Variants in CCDC63 observed in about 807,000 individuals in gnomAD.
CCDC63 encodes coiled-coil domain-containing protein 63.
CCDC63 carries 54 observed loss-of-function variants against 63.6 expected under a neutral mutation model. That is an observed-to-expected ratio of 0.85 (90% CI 0.68 to 1.07). The LOEUF is 1.07. Ranked by LOEUF, CCDC63 falls within the 50% of genes least tolerant of loss-of-function variation. The pLI is 0.00. For synonymous variants in CCDC63, 253 were observed against 266.1 expected (o/e 0.95, Z 0.48); for missense variants, 637 against 689.6 (o/e 0.92, Z 0.86).
chr12:110,880,295 G>C (rs536308453), intron 6 of CCDC63, among the ~76,000 whole-genome samples: 1 of 152,280 alleles, frequency 6.6e-6, no homozygotes, highest in East Asian at 1.9e-4. Context: ...ACTGCCCTAG[G>C]AATTATTATC....
At chr12:110,852,542 T>C (rs966620953) in intron 1 of CCDC63, among the ~76,000 whole-genome samples, 5 of 152,156 alleles carry the variant, frequency 3.3e-5, no homozygotes, top group African/African-American at 1.2e-4. Flanking sequence ...GTTACAGGCA[T>C]AAGCCACCAT....
rs1355191325 is a variant in CCDC63 at position 110,888,833 on chromosome 12, CCTTCCTTCCTTCCTTCCT to C, written c.1075-4242_1075-4225del. Among the ~76,000 whole-genome samples, 332 of 137,336 alleles carry C rather than the reference CCTTCCTTCCTTCCTTCCT, an allele frequency of 2.4e-3. 2 individuals carry two copies. Among genetic ancestry groups the C allele is most frequent in the African/African-American group, 6.3e-3 (195 of 30,954 alleles). The allele number at this position is 137,336 out of a possible 152,430, so 90.1% of individuals were successfully genotyped here. On this transcript the variant is annotated intron_variant, in intron 8 of 11. Coordinates refer to ENST00000308208, the MANE Select transcript of CCDC63 (RefSeq NM_152591.3). ...TCCTTCCTTCCTTCCTTCCTTCCTT[CCTTCCTTCCTTCCTTCCT>C]TCCTTCCTTCGTTTTTCTTTCTTTT...
intron 4 of CCDC63, among the ~76,000 whole-genome samples, chr12:110,861,509 T>A (rs1245330092): frequency 6.6e-6 from 1 of 152,124 alleles, no homozygotes; most frequent in Non-Finnish European, 1.5e-5. Context: ...TCCCTCTGCC[T>A]GGAGTGCCTT....
At chr12:110,852,823 G>A in intron 1 of CCDC63, 36 bp from the exon 2 acceptor site, 2 of 1,426,716 alleles carry the variant, frequency 1.4e-6, no homozygotes, top group Non-Finnish European at 2.0e-6. Context: ...AGCAGGGGTG[G>A]CTTACAAGTT....
At chr12:110,890,978 A>C (rs752416168) in intron 8 of CCDC63, among the ~76,000 whole-genome samples, 1 of 151,850 alleles carries the variant, frequency 6.6e-6, no homozygotes, top group Non-Finnish European at 1.5e-5. Flanking sequence ...GGAATATCAC[A>C]ATATTGCCCA....
Position 110,907,524 on chromosome 12 carries a change from T to G in CCDC63, c.*48T>G. 1 of 1,608,024 alleles carries G rather than the reference T, an allele frequency of 6.2e-7. No individual in the cohort carries two copies. Among genetic ancestry groups the G allele is most frequent in the Non-Finnish European group, 8.5e-7 (1 of 1,175,630 alleles). On this transcript the variant is annotated 3_prime_UTR_variant, in exon 12 of 12. Transcript: ENST00000308208. The surrounding 1 kb of genome is among the most constrained non-coding windows in gnomAD (Gnocchi z 4.4). ...TGCAACATAACCGAAAGAATAAATG[T>G]TTTGTTCTGTAGCCTCGTGCCTGTC...
chr12:110,891,653 A>AG (rs1458713245), intron 8 of CCDC63, among the ~76,000 whole-genome samples: 3 of 143,610 alleles, frequency 2.1e-5, no homozygotes, highest in African/African-American at 5.2e-5. Context: ...AAAAAAAAAA[A>AG]AAGAAGAAGA....
intron 4 of CCDC63, among the ~76,000 whole-genome samples, chr12:110,866,781 T>C (rs1214655946): frequency 1.4e-5 from 2 of 148,108 alleles, no homozygotes; most frequent in Admixed American, 6.7e-5. Flanking sequence ...CCCGCCTTTC[T>C]ATTCCACAAA....
chr12:110,867,209 T>C (rs1365860256), intron 4 of CCDC63, among the ~76,000 whole-genome samples: 1 of 128,950 alleles, frequency 7.8e-6, no homozygotes. Flanking sequence ...ACGGGGCGGC[T>C]GGCCGGGCGG....
chr12:110,904,476 C>T, intron 10 of CCDC63, 112 bp from the exon 11 acceptor site: 1 of 855,476 alleles, frequency 1.2e-6, no homozygotes, highest in Non-Finnish European at 1.9e-6. Flanking sequence ...CCAGATCCCG[C>T]ACCTCCTGTA....
chr12:110,851,831 G>A (rs911184831), intron 1 of CCDC63, among the ~76,000 whole-genome samples: 2 of 152,170 alleles, frequency 1.3e-5, no homozygotes, highest in Admixed American at 6.5e-5. Flanking sequence ...CAATGACATG[G>A]CTTCTAGAAT....
intron 4 of CCDC63, among the ~76,000 whole-genome samples, chr12:110,864,449 C>T (rs2070910404): frequency 1.4e-5 from 2 of 147,022 alleles, no homozygotes; most frequent in African/African-American, 5.1e-5. Flanking sequence ...AGAGACTGGG[C>T]GCCGTGACTC....
Position 110,907,414 on chromosome 12 carries a change from C to A in CCDC63, c.1630C>A (p.Arg544Ser). The A allele has an allele frequency of 6.2e-7, 1 of 1,614,148 alleles. No individual in the cohort carries two copies. The highest frequency in any genetic ancestry group is 8.5e-7 in the Non-Finnish European group (1 of 1,180,020). ...ILKENRSKEV[R>S]GDSLPEKVDD... Reference sequence around the variant, plus strand: ...GAAGGAGAATCGGAGTAAGGAAGTGCGCGGAGACAGCCTGCCTGAGAAGGT... The same window carrying A: ...GAAGGAGAATCGGAGTAAGGAAGTGAGCGGAGACAGCCTGCCTGAGAAGGT... The change falls in exon 12 of 12, where the codon CGC (arginine) becomes AGC (serine). Residue 544 changes from arginine (R) to serine (S), a missense_variant. Arg to Ser is a moderately radical substitution (Grantham distance 110, BLOSUM62 -1). Transcript: ENST00000308208. This position sits in a 1 kb window ranked among gnomAD's most constrained non-coding sequence, Gnocchi z 4.4.
intron 8 of CCDC63, among the ~76,000 whole-genome samples, chr12:110,884,946 GC>G (rs1222553912): frequency 1.3e-5 from 2 of 149,508 alleles, no homozygotes; most frequent in African/African-American, 2.5e-5. Context: ...TGATCCACCT[GC>G]CTCAGCCTCC....
intron 8 of CCDC63, among the ~76,000 whole-genome samples, chr12:110,885,022 A>AG (rs2136706861): frequency 6.6e-6 from 1 of 152,148 alleles, no homozygotes; most frequent in East Asian, 1.9e-4. Flanking sequence ...TTCAATGTAT[A>AG]GATACATTTC....
intron 4 of CCDC63, among the ~76,000 whole-genome samples, chr12:110,873,609 G>A (rs2071093080): frequency 1.3e-5 from 2 of 152,138 alleles, no homozygotes; most frequent in South Asian, 2.1e-4. Flanking sequence ...ATTGTACCCC[G>A]AACTGGCTAA....
chr12:110,872,449 G>T (rs978004364), intron 4 of CCDC63, among the ~76,000 whole-genome samples: 1 of 152,186 alleles, frequency 6.6e-6, no homozygotes, highest in Non-Finnish European at 1.5e-5. Flanking sequence ...CGAAGAACAT[G>T]ATTCAGGCTG....
chr12:110,897,136 A>G (rs1342973518), intron 9 of CCDC63, among the ~76,000 whole-genome samples: 3 of 152,154 alleles, frequency 2.0e-5, no homozygotes, highest in Admixed American at 6.6e-5. Flanking sequence ...AACACATAAT[A>G]AAAATATTGA....
chr12:110,883,497 A>G (rs1178756380), intron 7 of CCDC63, among the ~76,000 whole-genome samples: 1 of 152,226 alleles, frequency 6.6e-6, no homozygotes, highest in African/African-American at 2.4e-5. Flanking sequence ...TGTGTGACTC[A>G]TAGTAAATGC....
Sources: gnomAD v4.1 joint callset for allele counts (sites outside exome capture counted in the v4.1 genomes callset) on GRCh38, gnomAD v4.1.1 for gene constraint, Gnocchi (gnomAD v3.1) non-coding constraint, MANE v1.5 for transcripts, NCBI Gene and HGNC (gene_info 2026-07-23, HGNC 2026-07-21) for gene names.